The following ZNF488 variants were observed in gnomAD, a reference collection of about 807,000 sequenced individuals.
ZNF488 encodes zinc finger protein 488.
In ZNF488, 1 loss-of-function variant was observed where a neutral mutation model predicts 1.2. The observed-to-expected ratio is 0.86, with a 90% CI of 0.30 to 4.07. ZNF488 has a LOEUF of 4.07. Among genes scored for constraint, ZNF488 ranks in the 30% most tolerant of loss-of-function variants. ZNF488 has a pLI of 0.18. For missense variants in ZNF488, 450 were observed against 437.9 expected (o/e 1.03, Z -0.25); for synonymous variants, 185 against 190.1 (o/e 0.97, Z 0.22).
At chr10:47,374,884 A>G (rs1195954866) in intron 1 of ZNF488, among the ~76,000 whole-genome samples, 1 of 152,184 alleles carries the variant, frequency 6.6e-6, no homozygotes, top group Non-Finnish European at 1.5e-5. Context: ...TCTGTGTCAA[A>G]GGCCTGCACC....
intron 1 of ZNF488, among the ~76,000 whole-genome samples, chr10:47,383,726 G>T (rs567309798): frequency 6.6e-6 from 1 of 152,182 alleles, no homozygotes; most frequent in Non-Finnish European, 1.5e-5. Flanking sequence ...CTGATGCATG[G>T]TTCTTACCCT....
intron 1 of ZNF488, among the ~76,000 whole-genome samples, chr10:47,376,243 G>T (rs1555214401): frequency 6.6e-6 from 1 of 152,168 alleles, no homozygotes; most frequent in Non-Finnish European, 1.5e-5. Context: ...CATTGAGGAG[G>T]TGATATTATC....
At chr10:47,371,145 G>A (rs1327141490) in intron 1 of ZNF488, among the ~76,000 whole-genome samples, 1 of 152,214 alleles carries the variant, frequency 6.6e-6, no homozygotes, top group African/African-American at 2.4e-5. Context: ...AAACCTGAGG[G>A]CTCTCTGGGG....
At chr10:47,375,958 G>A (rs578069257) in intron 1 of ZNF488, among the ~76,000 whole-genome samples, 19 of 152,328 alleles carry the variant, frequency 1.2e-4, no homozygotes, top group African/African-American at 3.8e-4. Flanking sequence ...TGGGTTAGAC[G>A]TAAATCGAGA....
intron 1 of ZNF488, among the ~76,000 whole-genome samples, chr10:47,374,350 C>A (rs1837595611): frequency 6.6e-6 from 1 of 152,176 alleles, no homozygotes; most frequent in South Asian, 2.1e-4. Flanking sequence ...CATAGCCATA[C>A]CCAGACTAAG....
intron 1 of ZNF488, among the ~76,000 whole-genome samples, chr10:47,382,739 A>T (rs1342678364): frequency 6.6e-6 from 1 of 152,222 alleles, no homozygotes; most frequent in African/African-American, 2.4e-5. Context: ...CACCTTCATC[A>T]TACTTAATTT....
In ZNF488 at chr10:47,368,110, CCA is replaced by C. The variant is rs1565776086; in HGVS notation, c.718_719del (p.Trp240AlafsTer66). The C allele has an allele frequency of 1.9e-6, 3 of 1,614,196 alleles. No homozygotes were observed. Among genetic ancestry groups the C allele is most frequent in the Non-Finnish European group, 2.5e-6 (3 of 1,180,036 alleles). On this transcript the variant is annotated frameshift_variant, in exon 2 of 2. Transcript: ENST00000585316. LOFTEE classifies it low-confidence loss of function (END_TRUNC). ...CSTFLGAPTL[W>X]LEHTQAQVPP... ...GCACCTGGGCCTGGGTATGCTCCAG[CCA>C]CAGTGTAGGGGCACCCAGAAAAGTG...
Position 47,367,728 on chromosome 10 carries a change from C to T in ZNF488, c.*79G>A, listed in dbSNP as rs781590113. The stretch of plus-strand genomic sequence containing the variant: ...CAGCTCTGCAAAGGACCATGACAGC[C>T]CCCTCAACGCAGGCCCAGGGAGCCC... On this transcript the variant is annotated 3_prime_UTR_variant, in exon 2 of 2. Transcript: ENST00000585316. The T allele has an allele frequency of 6.5e-4, 958 of 1,482,148 alleles. 2 individuals are homozygous for T. Among genetic ancestry groups the T allele is most frequent in the Non-Finnish European group, 8.0e-4 (876 of 1,098,642 alleles). 91.8% of individuals were successfully genotyped at this position (1,482,148 alleles called of 1,614,324 possible). A position where few individuals can be genotyped will look rare whatever the true frequency, so the allele number is the denominator to read the frequency against.
intron 1 of ZNF488, among the ~76,000 whole-genome samples, chr10:47,377,268 G>A (rs1837712577): frequency 6.6e-6 from 1 of 152,182 alleles, no homozygotes; most frequent in South Asian, 2.1e-4. Context: ...ACCAAACCCA[G>A]TTTCAGTTTG....
intron 1 of ZNF488, among the ~76,000 whole-genome samples, chr10:47,369,483 A>G (rs1555213589): frequency 6.6e-6 from 1 of 152,034 alleles, no homozygotes; most frequent in African/African-American, 2.4e-5. Context: ...CATGGACTTC[A>G]TGGTCTTTGC....
At chr10:47,373,834 G>A (rs1054480010) in intron 1 of ZNF488, among the ~76,000 whole-genome samples, 2 of 152,180 alleles carry the variant, frequency 1.3e-5, no homozygotes, top group South Asian at 2.1e-4. Context: ...CTGAATAAAC[G>A]CAGGCAGCAT....
At chr10:47,376,488 GGAGA>G (rs1555214432) in intron 1 of ZNF488, among the ~76,000 whole-genome samples, 2 of 152,178 alleles carry the variant, frequency 1.3e-5, no homozygotes, top group Non-Finnish European at 2.9e-5. Context: ...GGGAGAATAA[GGAGA>G]GAGAGTTAGA....
At chr10:47,383,965 GAA>G (rs1838083843) in intron 1 of ZNF488, among the ~76,000 whole-genome samples, 1 of 152,118 alleles carries the variant, frequency 6.6e-6, no homozygotes, top group African/African-American at 2.4e-5. Context: ...AGAAGAAAAT[GAA>G]AACAGGAAGA....
chr10:47,383,951 A>G (rs1194194995), intron 1 of ZNF488, among the ~76,000 whole-genome samples: 1 of 152,190 alleles, frequency 6.6e-6, no homozygotes, highest in Admixed American at 6.5e-5. Flanking sequence ...AGAGAGACTG[A>G]CACAGAAGAA....
chr10:47,375,348 GC>G (rs567266152), intron 1 of ZNF488, among the ~76,000 whole-genome samples: 115 of 152,282 alleles, frequency 7.6e-4, no homozygotes, highest in African/African-American at 2.6e-3. Context: ...ACCTGCCGGT[GC>G]GGGGGCTTGC....
chr10:47,375,231 C>T (rs1419378830), intron 1 of ZNF488, among the ~76,000 whole-genome samples: 1 of 152,206 alleles, frequency 6.6e-6, no homozygotes, highest in Non-Finnish European at 1.5e-5. Flanking sequence ...TACAAACTTA[C>T]AGTCAAAGAA....
chr10:47,368,480 G>A lies in ZNF488; in HGVS notation c.350C>T (p.Ala117Val), dbSNP rs781909417. The A allele has an allele frequency of 2.0e-5, 33 of 1,613,626 alleles. No individual in the cohort carries two copies. The highest frequency in any genetic ancestry group is 2.7e-5 in the African/African-American group (2 of 74,926). The change falls in exon 2 of 2, where the codon GCC (alanine) becomes GTC (valine). Residue 117 changes from alanine to valine, a missense_variant. Transcript: ENST00000585316. ...GGGGTCATCGTGCTCCCTCTCCTGG[G>A]CCTGAGCATCCACCTGCCGGTCCTT... Reference protein sequence around the residue: ...RMKDRQVDAQAQEREHDDPTG... With the variant: ...RMKDRQVDAQVQEREHDDPTG...
At chr10:47,378,449 C>T (rs1837781249) in intron 1 of ZNF488, among the ~76,000 whole-genome samples, 1 of 152,248 alleles carries the variant, frequency 6.6e-6, no homozygotes, top group East Asian at 1.9e-4. Flanking sequence ...CCAGACTCCA[C>T]TCAGCATTCC....
chr10:47,381,285 T>TA (rs1837942206), intron 1 of ZNF488, among the ~76,000 whole-genome samples: 2 of 148,840 alleles, frequency 1.3e-5, no homozygotes, highest in African/African-American at 5.0e-5. Flanking sequence ...TCTCTTCAGT[T>TA]AAAACACACA....
Sources: gnomAD v4.1 joint callset for allele counts (sites outside exome capture counted in the v4.1 genomes callset) on GRCh38, gnomAD v4.1.1 for gene constraint, MANE v1.5 for transcripts, NCBI Gene and HGNC (gene_info 2026-07-23, HGNC 2026-07-21) for gene names.